The following ESCO1 variants were observed in gnomAD, a reference collection of about 807,000 sequenced individuals.
The protein encoded by ESCO1 is N-acetyltransferase ESCO1.
A neutral mutation model predicts 83.5 loss-of-function variants in ESCO1; 33 were observed. The ratio of observed to expected loss-of-function variants is 0.40; its 90% CI spans 0.30 to 0.53. ESCO1 has a LOEUF of 0.53. Ranked by LOEUF, ESCO1 falls within the 20% of genes least tolerant of loss-of-function variation. ESCO1 has a pLI of 0.63. For missense variants in ESCO1, 855 were observed against 968.0 expected (o/e 0.88, Z 1.55); for synonymous variants, 332 against 324.3 (o/e 1.02, Z -0.25).
chr18:21,534,899 C>T (rs959021370), intron 10 of ESCO1, among the ~76,000 whole-genome samples: 3 of 152,114 alleles, frequency 2.0e-5, no homozygotes, highest in African/African-American at 4.8e-5. Flanking sequence ...GCTGGGATTA[C>T]AGGTCTGAGC....
chr18:21,557,334 T>C (rs1033914030), intron 8 of ESCO1, among the ~76,000 whole-genome samples: 14 of 152,232 alleles, frequency 9.2e-5, no homozygotes, highest in African/African-American at 3.4e-4. Context: ...TACTCATTAT[T>C]CCTCACAAAA....
intron 8 of ESCO1, among the ~76,000 whole-genome samples, chr18:21,541,053 T>C (rs1228011425): frequency 6.6e-6 from 1 of 152,018 alleles, no homozygotes; most frequent in Admixed American, 6.6e-5. Flanking sequence ...AGGGGGAAGG[T>C]AGAAAGATCA....
chr18:21,577,940 G>T (rs551927398), intron 2 of ESCO1, among the ~76,000 whole-genome samples: 1 of 152,288 alleles, frequency 6.6e-6, no homozygotes, highest in South Asian at 2.1e-4. Flanking sequence ...TAAGGAAGTG[G>T]AAAGATTGTG....
chr18:21,564,724 A>T (rs547033936), intron 6 of ESCO1, among the ~76,000 whole-genome samples: 4 of 152,070 alleles, frequency 2.6e-5, no homozygotes, highest in Admixed American at 2.0e-4. Flanking sequence ...CACAACGCTG[A>T]TAAATTTCAG....
chr18:21,545,969 C>A (rs942729225), intron 8 of ESCO1, among the ~76,000 whole-genome samples: 4 of 152,098 alleles, frequency 2.6e-5, no homozygotes, highest in African/African-American at 7.2e-5. Flanking sequence ...AGATGTGTGT[C>A]TAATCCATAT....
intron 4 of ESCO1, 140 bp from the exon 5 acceptor site, chr18:21,568,234 T>C: frequency 1.6e-6 from 1 of 625,140 alleles, no homozygotes. Context: ...CTCCCCATGA[T>C]CTTGCTACAA....
At chr18:21,592,697 G>A (rs554219722) in intron 1 of ESCO1, among the ~76,000 whole-genome samples, 3 of 150,086 alleles carry the variant, frequency 2.0e-5, no homozygotes, top group South Asian at 2.1e-4. Flanking sequence ...GGGCGGAGAC[G>A]CTCCTCACTT....
chr18:21,563,740 A>G (rs1444502861), intron 7 of ESCO1, among the ~76,000 whole-genome samples: 3 of 152,154 alleles, frequency 2.0e-5, no homozygotes, highest in African/African-American at 7.2e-5. Context: ...CATAAATACA[A>G]TGCTGCTATG....
chr18:21,536,749 T>C (rs896314375), intron 9 of ESCO1, among the ~76,000 whole-genome samples: 40 of 152,030 alleles, frequency 2.6e-4, no homozygotes, highest in African/African-American at 8.2e-4. Flanking sequence ...GCTCCTACAA[T>C]AGATTATTAG....
chr18:21,582,917 G>A (rs936058393), intron 2 of ESCO1, among the ~76,000 whole-genome samples: 2 of 152,212 alleles, frequency 1.3e-5, no homozygotes, highest in East Asian at 1.9e-4. Context: ...CACGCCTGGC[G>A]TGATGGCTCA....
chr18:21,530,276 G>T lies in ESCO1; in HGVS notation c.*67C>A. 1 of 1,379,022 alleles carries T rather than the reference G, an allele frequency of 7.3e-7. No individual in the cohort carries two copies. Among genetic ancestry groups the T allele is most frequent in the Non-Finnish European group, 9.5e-7 (1 of 1,049,996 alleles). The allele number at this position is 1,379,022 out of a possible 1,614,324, so 85.4% of individuals were successfully genotyped here. A position where few individuals can be genotyped will look rare whatever the true frequency, so the allele number is the denominator to read the frequency against. On this transcript the variant is annotated 3_prime_UTR_variant, in exon 12 of 12. Transcript: ENST00000269214. ...GTAATAAAAATGGCCCTAGTTCCTGGTTAAAGTCAGCAACCAATCCATTCT... is the reference window on the plus strand; with the variant it reads ...GTAATAAAAATGGCCCTAGTTCCTGTTTAAAGTCAGCAACCAATCCATTCT...
intron 1 of ESCO1, among the ~76,000 whole-genome samples, chr18:21,595,031 G>A (rs75155754): frequency 0.15 from 22,477 of 150,782 alleles, 1,902 homozygotes; most frequent in Middle Eastern, 0.27. Context: ...TTTTTTTGTA[G>A]AGACGGGGTT....
intron 6 of ESCO1, 99 bp downstream of exon 6, chr18:21,566,047 A>C: frequency 1.9e-6 from 2 of 1,052,580 alleles, no homozygotes; most frequent in Non-Finnish European, 2.9e-6. Context: ...TCTGTAGGTA[A>C]ACTGAGGGTT....
intron 2 of ESCO1, among the ~76,000 whole-genome samples, chr18:21,581,701 C>G (rs1284475195): frequency 1.3e-5 from 2 of 152,218 alleles, no homozygotes; most frequent in East Asian, 3.9e-4. Context: ...TGATTTCATT[C>G]ATTTCAAATT....
intron 8 of ESCO1, chr18:21,540,704 C>A: frequency 7.9e-7 from 1 of 1,265,180 alleles, no homozygotes; most frequent in Non-Finnish European, 1.0e-6. Context: ...GCAGAACCTG[C>A]ATAAAAAAAC....
intron 8 of ESCO1, among the ~76,000 whole-genome samples, chr18:21,556,712 T>G (rs571444167): frequency 1.3e-5 from 2 of 152,144 alleles, no homozygotes; most frequent in East Asian, 1.9e-4. Flanking sequence ...TTTTTTTTTT[T>G]CCCCTTGAGA....
At chr18:21,544,344 C>A (rs1444265777) in intron 8 of ESCO1, among the ~76,000 whole-genome samples, 1 of 151,848 alleles carries the variant, frequency 6.6e-6, no homozygotes, top group Admixed American at 6.6e-5. Context: ...TGGTGGCTCA[C>A]ACCTGTAATC....
chr18:21,545,700 G>A (rs1195183334), intron 8 of ESCO1, among the ~76,000 whole-genome samples: 5 of 152,092 alleles, frequency 3.3e-5, no homozygotes, highest in South Asian at 2.1e-4. Context: ...AGGCTGAGGC[G>A]GGTGGATCTC....
At position 21,575,445 on chromosome 18, in the gene ESCO1, A is replaced by G. The variant is rs1159619349; in HGVS notation, c.-587-15T>C. Reference sequence around the variant, plus strand: ...TGCTGCCGTTTCTGAAAAATTAAAAAACAAAAATAAAGTTTTGTACAATCC... The same window carrying G: ...TGCTGCCGTTTCTGAAAAATTAAAAGACAAAAATAAAGTTTTGTACAATCC... On this transcript the variant is annotated splice_polypyrimidine_tract_variant and intron_variant, in intron 3 of 11. Transcript: ENST00000269214. 5 of 398,148 alleles carry G rather than the reference A, an allele frequency of 1.3e-5. No individual in the cohort carries two copies. The highest frequency in any genetic ancestry group is 2.2e-5 in the Non-Finnish European group (5 of 225,892). 24.7% of individuals were successfully genotyped at this position (398,148 alleles called of 1,614,324 possible). A position where few individuals can be genotyped will look rare whatever the true frequency, so the allele number is the denominator to read the frequency against.
Sources: allele counts gnomAD v4.1 joint callset (sites outside exome capture counted in the v4.1 genomes callset), GRCh38; gene constraint gnomAD v4.1.1; transcripts MANE v1.5; gene names NCBI Gene and HGNC (gene_info 2026-07-23, HGNC 2026-07-21).